PHF20L1: variants seen among roughly 807,000 people sequenced by gnomAD.
The protein encoded by PHF20L1 is PHD finger protein 20 like 1, also known as PHD finger protein 20-like protein 1.
Under a neutral mutation model 125.5 loss-of-function variants are expected in PHF20L1, and 44 were observed. The ratio of observed to expected loss-of-function variants is 0.35; its 90% CI spans 0.28 to 0.45. The LOEUF is 0.45. Ranked by LOEUF, PHF20L1 falls within the 20% of genes least tolerant of loss-of-function variation. The pLI, the probability that PHF20L1 is intolerant of heterozygous loss-of-function variation, is 1.00. For synonymous variants in PHF20L1, 380 were observed against 403.1 expected, an observed-to-expected ratio of 0.94 and a Z score of 0.69; for missense variants, 1,012 against 1,217.2, an observed-to-expected ratio of 0.83 and a Z score of 2.51.
At chr8:132,832,996 C>T (rs1339806730) in intron 15 of PHF20L1, among the ~76,000 whole-genome samples, 1 of 152,044 alleles carries the variant, frequency 6.6e-6, no homozygotes, top group African/African-American at 2.4e-5. Context: ...GTTAGACTTT[C>T]CTGCAGGTCC....
rs74409802 is a variant in PHF20L1 at position 132,842,371 on chromosome 8, G to A, written c.2388-144G>A. The A allele has an allele frequency of 7.3e-3, 4,107 of 562,646 alleles. 125 individuals are homozygous for A. Among genetic ancestry groups the A allele is most frequent in the African/African-American group, 0.069 (3,594 of 52,316 alleles). The allele number at this position is 562,646 out of a possible 1,614,324, so 34.9% of individuals were successfully genotyped here. On this transcript the variant is annotated intron_variant, in intron 18 of 20. Transcript: ENST00000395386. ...TTCAAATTTTGGATGAAATCATGGAGGGAGTTAATTTAAAGATTACCTTTG... is the reference window on the plus strand; with the variant it reads ...TTCAAATTTTGGATGAAATCATGGAAGGAGTTAATTTAAAGATTACCTTTG...
Position 132,848,577 on chromosome 8 carries a change from A to G in PHF20L1, c.*2654A>G, listed in dbSNP as rs926368698. On this transcript the variant is annotated 3_prime_UTR_variant, in exon 21 of 21. Coordinates refer to ENST00000395386, the MANE Select transcript of PHF20L1 (RefSeq NM_016018.5). ...AGAGAAGGCTCCCTCTTGGTATGTT[A>G]CTGATAAACTTGTACTTCCTCATAC... 1.3e-5 allele frequency: 2 copies of G among 152,604 alleles called. No homozygotes were observed. Among genetic ancestry groups the G allele is most frequent in the Non-Finnish European group, 2.9e-5 (2 of 67,988 alleles). The allele number at this position is 152,604 out of a possible 1,614,324, so 9.5% of individuals were successfully genotyped here.
At chr8:132,811,591 A>G in intron 9 of PHF20L1, 2 of 983,192 alleles carry the variant, frequency 2.0e-6, no homozygotes, top group Middle Eastern at 5.2e-4. Context: ...GCTAGGATGT[A>G]TATTTTAATA....
chr8:132,837,680 G>A (rs372382585), intron 16 of PHF20L1, 32 bp from the exon 17 acceptor site: 84 of 1,522,898 alleles, frequency 5.5e-5, no homozygotes, highest in Non-Finnish European at 6.7e-5. Flanking sequence ...AGTGAGGATC[G>A]GGTGACTGTA....
chr8:132,831,085 C>T (rs979018143), intron 14 of PHF20L1, among the ~76,000 whole-genome samples: 5 of 152,058 alleles, frequency 3.3e-5, no homozygotes, highest in African/African-American at 7.2e-5. Context: ...ACTGTCCCCC[C>T]ACTTCTATGT....
At chr8:132,822,288 T>C (rs1835693504) in intron 12 of PHF20L1, among the ~76,000 whole-genome samples, 1 of 151,946 alleles carries the variant, frequency 6.6e-6, no homozygotes, top group Non-Finnish European at 1.5e-5. Flanking sequence ...ATAACTGTTT[T>C]ATTTGTCTTC....
rs767553847 is a variant in PHF20L1, at chr8:132,814,826, T to C, written c.1120T>C (p.Leu374=). 6.2e-7 allele frequency: 1 copy of C among 1,611,202 alleles called. No individual in the cohort carries two copies. Among genetic ancestry groups the C allele is most frequent in the Non-Finnish European group, 8.5e-7 (1 of 1,177,626 alleles). The change falls in exon 10 of 21, where the codon TTA becomes CTA. Residue 374 remains leucine (L), a synonymous_variant. Coordinates refer to ENST00000395386, the MANE Select transcript of PHF20L1 (RefSeq NM_016018.5). The part of the protein sequence containing the change: ...KPPKSPLSPE[L]IQVEDLTLVS... ...CCCTAAATCACCACTTTCCCCAGAA[T>C]TAATACAAGTCGAGGATTTGACGCT...
chr8:132,820,000 A>G (rs1042412672), intron 12 of PHF20L1, among the ~76,000 whole-genome samples: 3 of 151,848 alleles, frequency 2.0e-5, no homozygotes, highest in East Asian at 1.9e-4. Context: ...AGATTTGCAG[A>G]TAGTCCAATT....
In PHF20L1 at chr8:132,804,635, C is replaced by T; in HGVS notation, c.742C>T (p.Pro248Ser). The T allele has an allele frequency of 1.2e-6, 2 of 1,607,170 alleles. No individual in the cohort carries two copies. The highest frequency in any genetic ancestry group is 1.7e-6 in the Non-Finnish European group (2 of 1,174,568). ...AGTAGGACTTCATGTAGAGAACGTTCCAAAGATGGTCTTTCCACAGCCAGA... is the reference window on the plus strand; with the variant it reads ...AGTAGGACTTCATGTAGAGAACGTTTCAAAGATGGTCTTTCCACAGCCAGA... ...ETFGLHVENV[P>S]KMVFPQPEST... The change falls in exon 8 of 21, where the codon CCA becomes TCA. Residue 248 changes from proline to serine, a missense_variant. Transcript: ENST00000395386.
chr8:132,837,354 A>T (rs1837474759), intron 16 of PHF20L1, among the ~76,000 whole-genome samples: 1 of 152,114 alleles, frequency 6.6e-6, no homozygotes, highest in Non-Finnish European at 1.5e-5. Flanking sequence ...ATTGGTATAG[A>T]CACTGCTACC....
In PHF20L1 at chr8:132,846,428, A is replaced by T. The variant is rs1838423961; in HGVS notation, c.*505A>T. 1 of 152,540 alleles carries T rather than the reference A, an allele frequency of 6.6e-6. No individual in the cohort carries two copies. The highest frequency in any genetic ancestry group is 1.5e-5 in the Non-Finnish European group (1 of 68,030). The allele number at this position is 152,540 out of a possible 1,614,324, so 9.4% of individuals were successfully genotyped here. The stretch of plus-strand genomic sequence containing the variant: ...CTGTACGGAAATTTAGGGTATTTAA[A>T]CTTTTAAAGGATCATGAGCTGTTTC... On this transcript the variant is annotated 3_prime_UTR_variant, in exon 21 of 21. Coordinates refer to ENST00000395386, the MANE Select transcript of PHF20L1 (RefSeq NM_016018.5).
intron 15 of PHF20L1, among the ~76,000 whole-genome samples, chr8:132,834,105 C>T (rs1395398832): frequency 2.0e-5 from 3 of 152,048 alleles, no homozygotes; most frequent in Non-Finnish European, 2.9e-5. Flanking sequence ...GCTATTCAAG[C>T]GTAAGGGGGA....
rs760937089 is a variant in PHF20L1 at position 132,811,149 on chromosome 8, A to AT, written c.930+28dup. On this transcript the variant is annotated intron_variant, in intron 9 of 20. Transcript: ENST00000395386. ...AGCAGGTATGAAATGGTAGCATTTG[A>AT]TTTTTTTCAAGGTTCCCACTGGAAT... 4.3e-5 allele frequency: 69 copies of AT among 1,611,592 alleles called. No homozygotes were observed. In the East Asian group the frequency reaches 1.5e-3, roughly 35 times the overall value.
At chr8:132,811,752 T>A in intron 9 of PHF20L1, 2 of 984,916 alleles carry the variant, frequency 2.0e-6, no homozygotes, top group Non-Finnish European at 2.4e-6. Flanking sequence ...CTGTGCATGC[T>A]TTTACATTCT....
intron 15 of PHF20L1, 48 bp downstream of exon 15, chr8:132,832,447 T>A: frequency 1.5e-6 from 2 of 1,350,072 alleles, no homozygotes; most frequent in Non-Finnish European, 2.1e-6. Context: ...AATTCCTAAA[T>A]GTGTAACTGA....
At chr8:132,825,504 C>T in intron 14 of PHF20L1, 133 bp downstream of exon 14, 1 of 665,014 alleles carries the variant, frequency 1.5e-6, no homozygotes, top group South Asian at 2.5e-5. Flanking sequence ...GTTTCTGTAG[C>T]TTTCCTTTGA....
intron 1 of PHF20L1, 32 bp downstream of exon 1, chr8:132,775,677 C>T (rs936748104): frequency 6.1e-6 from 2 of 330,566 alleles, no homozygotes; most frequent in African/African-American, 4.3e-5. Context: ...GCCGGCAGGC[C>T]GCCTGGCCCC....
At position 132,846,306 on chromosome 8, in the gene PHF20L1, CCAG is replaced by C. The variant is rs1356847458; in HGVS notation, c.*386_*388del. 1 of 155,330 alleles carries C rather than the reference CCAG, an allele frequency of 6.4e-6. No homozygotes were observed. Among genetic ancestry groups the C allele is most frequent in the African/African-American group, 2.4e-5 (1 of 41,472 alleles). 9.6% of individuals were successfully genotyped at this position (155,330 alleles called of 1,614,324 possible). On this transcript the variant is annotated 3_prime_UTR_variant, in exon 21 of 21. Transcript: ENST00000395386. ...TAATAGAAAGATCTATGTTTATAAA[CCAG>C]CACTTGGCCAAAAACAAAATTGTAA...
rs192494943 is a variant in PHF20L1 at position 132,816,177 on chromosome 8, G to C, written c.1184-711G>C. 6 of 151,972 alleles carry C rather than the reference G, an allele frequency of 3.9e-5. No homozygotes were observed. The South Asian group carries it at 1.2e-3, about 32-fold the overall frequency. The allele number at this position is 151,972 out of a possible 1,614,324, so 9.4% of individuals were successfully genotyped here. A position where few individuals can be genotyped will look rare whatever the true frequency, so the allele number is the denominator to read the frequency against. ...ATGTAGAAAGAAGATATCTAAAAGT[G>C]TGAGAGACATTTCCAAATATTTATA... On this transcript the variant is annotated intron_variant, in intron 10 of 20. Transcript: ENST00000395386.
Sources: allele counts gnomAD v4.1 joint callset (sites outside exome capture counted in the v4.1 genomes callset), GRCh38; gene constraint gnomAD v4.1.1; transcripts MANE v1.5; gene names NCBI Gene and HGNC (gene_info 2026-07-23, HGNC 2026-07-21).